UBE2E2: variants seen among roughly 807,000 people sequenced by gnomAD.
UBE2E2 encodes ubiquitin-conjugating enzyme E2 E2.
In UBE2E2, 6 loss-of-function variants were observed where a neutral mutation model predicts 24.7. That is an observed-to-expected ratio of 0.24 (90% confidence interval 0.13 to 0.48). The LOEUF (loss-of-function observed/expected upper bound fraction) is 0.48. UBE2E2 is among the 20% of genes least tolerant of loss of function. The pLI is 0.99. For missense variants in UBE2E2, 169 were observed against 245.0 expected, an observed-to-expected ratio of 0.69 and a Z score of 2.07; for synonymous variants, 104 against 83.6, an observed-to-expected ratio of 1.24 and a Z score of -1.33.
chr3:23,443,159 C>T (rs369770714), intron 3 of UBE2E2, among the ~76,000 whole-genome samples: 3 of 152,090 alleles, frequency 2.0e-5, no homozygotes, highest in Middle Eastern at 3.2e-3. Flanking sequence ...CTCTGTCTTT[C>T]CCTCTGAGTG....
chr3:23,466,009 T>G (rs527283088), intron 3 of UBE2E2, among the ~76,000 whole-genome samples: 1 of 152,208 alleles, frequency 6.6e-6, no homozygotes, highest in Non-Finnish European at 1.5e-5. Flanking sequence ...GGAATGCTTT[T>G]TAACCATTCT....
chr3:23,301,692 T>A (rs1175268393), intron 3 of UBE2E2, among the ~76,000 whole-genome samples: 1 of 152,108 alleles, frequency 6.6e-6, no homozygotes, highest in African/African-American at 2.4e-5. Flanking sequence ...GTCCACCCCC[T>A]ACTGAGAGAT....
intron 5 of UBE2E2, among the ~76,000 whole-genome samples, chr3:23,568,620 CAT>C (rs67784158): frequency 1 from 136,132 of 136,764 alleles, 67,756 homozygotes; most frequent in Non-Finnish European, 1. Flanking sequence ...TATACACACA[CAT>C]ATATATATGT....
rs1358936379 is a variant in UBE2E2 at position 23,474,612 on chromosome 3, A to G, written c.228-24996A>G. Among the ~76,000 whole-genome samples, 2 of 152,132 alleles carry G rather than the reference A, an allele frequency of 1.3e-5. No individual in the cohort carries two copies. Among genetic ancestry groups the G allele is most frequent in the Non-Finnish European group, 2.9e-5 (2 of 68,042 alleles). On this transcript the variant is annotated intron_variant, in intron 3 of 5. Transcript: ENST00000396703. The surrounding 1 kb of genome is among the most constrained non-coding windows in gnomAD (Gnocchi z 4.0). The stretch of plus-strand genomic sequence containing the variant: ...GGATCTGAAAAGTTTAAATTTATAT[A>G]TGGTCACATTTACCCTGGTCACACA...
chr3:23,533,709 G>A (rs186048362), intron 5 of UBE2E2, among the ~76,000 whole-genome samples: 2 of 131,916 alleles, frequency 1.5e-5, no homozygotes, highest in East Asian at 2.4e-4. Context: ...CGCAACCTCC[G>A]CCTCCTGGAT....
At chr3:23,423,165 C>G (rs1391491457) in intron 3 of UBE2E2, among the ~76,000 whole-genome samples, 1 of 152,132 alleles carries the variant, frequency 6.6e-6, no homozygotes, top group African/African-American at 2.4e-5. Flanking sequence ...GAAATTAAAG[C>G]TTTTAGAGTC....
chr3:23,494,959 A>C (rs1311963329), intron 3 of UBE2E2, among the ~76,000 whole-genome samples: 2 of 151,738 alleles, frequency 1.3e-5, no homozygotes, highest in Non-Finnish European at 2.9e-5. Context: ...TTTTTTAGTA[A>C]AGATGGGGTT....
chr3:23,589,813 C>A lies in UBE2E2; in HGVS notation c.588C>A (p.Thr196=). ...ATGACCGGATGGCCAGACAGTGGAC[C>A]AAGCGGTACGCCACATAGGGGCCTG... ...AEHDRMARQW[T]KRYAT Residue 196 remains threonine, a synonymous_variant, in exon 6 of 6, where the codon ACC becomes ACA. Transcript: ENST00000396703. This position sits in a 1 kb window ranked among gnomAD's most constrained non-coding sequence, Gnocchi z 4.1. The A allele has an allele frequency of 6.2e-7, 1 of 1,614,196 alleles. No individual in the cohort carries two copies. Among genetic ancestry groups the A allele is most frequent in the South Asian group, 1.1e-5 (1 of 91,080 alleles).
intron 5 of UBE2E2, among the ~76,000 whole-genome samples, chr3:23,582,029 T>C (rs1176540070): frequency 2.0e-5 from 3 of 152,260 alleles, no homozygotes; most frequent in African/African-American, 7.2e-5. Flanking sequence ...TAAGCATAGG[T>C]AGTTTTTCTA....
intron 5 of UBE2E2, among the ~76,000 whole-genome samples, chr3:23,577,875 A>G (rs1293472844): frequency 6.6e-6 from 1 of 152,192 alleles, no homozygotes; most frequent in Non-Finnish European, 1.5e-5. Context: ...CAAAAATCCT[A>G]GGACCCTTAA....
intron 3 of UBE2E2, among the ~76,000 whole-genome samples, chr3:23,306,962 C>T (rs1320412589): frequency 6.6e-6 from 1 of 152,114 alleles, no homozygotes; most frequent in African/African-American, 2.4e-5. Context: ...AAAATTGACA[C>T]ATTTTCTCAA....
chr3:23,346,635 A>G (rs1202223068), intron 3 of UBE2E2, among the ~76,000 whole-genome samples: 1 of 152,230 alleles, frequency 6.6e-6, no homozygotes, highest in East Asian at 1.9e-4. Context: ...GCTATCCCTA[A>G]AATGTACTTA....
rs150970405 is a variant in UBE2E2 at position 23,504,912 on chromosome 3, C to CTTTTT, written c.360+5182_360+5186dup. Among the ~76,000 whole-genome samples, 411 of 95,052 alleles carry CTTTTT rather than the reference C, an allele frequency of 4.3e-3. 58 individuals are homozygous for CTTTTT. Among genetic ancestry groups the CTTTTT allele is most frequent in the African/African-American group, 0.017 (373 of 21,574 alleles). 62.4% of individuals were successfully genotyped at this position (95,052 alleles called of 152,430 possible). A position where few individuals can be genotyped will look rare whatever the true frequency, so the allele number is the denominator to read the frequency against. On this transcript the variant is annotated intron_variant, in intron 4 of 5. Transcript: ENST00000396703. ...AATGTTTCTGTTTCAGACATTCTTT[C>CTTTTT]TTTTTTTTTTTTTTGAGACAGGGTC...
intron 3 of UBE2E2, among the ~76,000 whole-genome samples, chr3:23,465,312 C>T (rs940852212): frequency 6.6e-6 from 1 of 152,292 alleles, no homozygotes; most frequent in Middle Eastern, 3.4e-3. Flanking sequence ...CCAGGCAGCT[C>T]TCCTGGCCCC....
At chr3:23,392,789 G>T (rs1010889230) in intron 3 of UBE2E2, among the ~76,000 whole-genome samples, 2 of 152,140 alleles carry the variant, frequency 1.3e-5, no homozygotes, top group Non-Finnish European at 2.9e-5. Context: ...GTCCAGAAGG[G>T]TCAAGAATGA....
At chr3:23,467,069 A>C (rs1036071431) in intron 3 of UBE2E2, among the ~76,000 whole-genome samples, 4 of 152,180 alleles carry the variant, frequency 2.6e-5, no homozygotes, top group African/African-American at 9.7e-5. Flanking sequence ...TTTCTCCCCC[A>C]AAAAAGTAGG....
At chr3:23,326,135 G>C (rs549975197) in intron 3 of UBE2E2, among the ~76,000 whole-genome samples, 1 of 152,104 alleles carries the variant, frequency 6.6e-6, no homozygotes, top group South Asian at 2.1e-4. Flanking sequence ...GCAGTGGCGC[G>C]ATCTTGGCTC....
intron 3 of UBE2E2, among the ~76,000 whole-genome samples, chr3:23,318,697 C>T (rs1694652926): frequency 6.6e-6 from 1 of 152,110 alleles, no homozygotes; most frequent in African/African-American, 2.4e-5. Context: ...TATTCACTAC[C>T]ACGAGAACAG....
At chr3:23,425,048 C>T (rs1175122832) in intron 3 of UBE2E2, among the ~76,000 whole-genome samples, 1 of 152,110 alleles carries the variant, frequency 6.6e-6, no homozygotes, top group Admixed American at 6.5e-5. Context: ...TCACATTTAT[C>T]AATGCACAGG....
Sources: allele counts gnomAD v4.1 joint callset (sites outside exome capture counted in the v4.1 genomes callset), GRCh38; gene constraint gnomAD v4.1.1; non-coding constraint Gnocchi (gnomAD v3.1); transcripts MANE v1.5; gene names NCBI Gene and HGNC (gene_info 2026-07-23, HGNC 2026-07-21).